The following PLEKHG7 variants were observed in gnomAD, a reference collection of about 807,000 sequenced individuals.
PLEKHG7 encodes the protein pleckstrin homology domain-containing family G member 7.
Under a neutral mutation model 85.2 loss-of-function variants are expected in PLEKHG7, and 77 were observed. The ratio of observed to expected loss-of-function variants is 0.90; its 90% confidence interval spans 0.75 to 1.09. The LOEUF (loss-of-function observed/expected upper bound fraction) is 1.09. Among genes scored for constraint, PLEKHG7 ranks in the 50% least tolerant of loss-of-function variants. PLEKHG7 has a pLI of 0.00. For synonymous variants in PLEKHG7, 301 were observed against 302.4 expected (o/e 1.00, Z 0.05); for missense variants, 777 against 804.3 (o/e 0.97, Z 0.41).
At chr12:92,738,631 A>G (rs1437657338) in intron 7 of PLEKHG7, among the ~76,000 whole-genome samples, 1 of 152,252 alleles carries the variant, frequency 6.6e-6, no homozygotes, top group African/African-American at 2.4e-5. Flanking sequence ...CCCAGAAAAC[A>G]TCATTTACAA....
At position 92,706,763 on chromosome 12, in the gene PLEKHG7, C is replaced by T; in HGVS notation, c.132C>T (p.Arg44=). ...LLQFDRQAPG[R]ISTSPTLRRL... is the part of the protein sequence containing the mutation. ...AGTTTGACCGGCAAGCCCCAGGCCG[C>T]ATCTCCACCTCGCCCACTTTGAGGA... Residue 44 remains arginine, a synonymous_variant, in exon 2 of 17, where the codon CGC becomes CGT. Transcript: ENST00000344636. 6.2e-7 allele frequency: 1 copy of T among 1,614,078 alleles called. No homozygotes were observed. Among genetic ancestry groups the T allele is most frequent in the Non-Finnish European group, 8.5e-7 (1 of 1,180,028 alleles).
At chr12:92,704,604 T>A in intron 1 of PLEKHG7, among the ~76,000 whole-genome samples, 1 of 152,192 alleles carries the variant, frequency 6.6e-6, no homozygotes, top group Non-Finnish European at 1.5e-5. Flanking sequence ...AGTCCTCAGC[T>A]CAAAATAAAG....
At chr12:92,758,977 T>C (rs1872911968) in intron 13 of PLEKHG7, among the ~76,000 whole-genome samples, 1 of 152,220 alleles carries the variant, frequency 6.6e-6, no homozygotes, top group Admixed American at 6.5e-5. Flanking sequence ...TTGTAGGCTT[T>C]GGGAAAATTT....
chr12:92,727,111 T>C (rs1430666795), intron 3 of PLEKHG7, among the ~76,000 whole-genome samples: 1 of 152,118 alleles, frequency 6.6e-6, no homozygotes, highest in Non-Finnish European at 1.5e-5. Flanking sequence ...TGAGTAGATG[T>C]ATGGGGAGTT....
intron 9 of PLEKHG7, among the ~76,000 whole-genome samples, chr12:92,743,254 C>T (rs1872420552): frequency 6.6e-6 from 1 of 152,118 alleles, no homozygotes; most frequent in Non-Finnish European, 1.5e-5. Flanking sequence ...TGAGTTTCTG[C>T]CCGAAACAAC....
At chr12:92,711,626 A>G (rs544931394) in intron 3 of PLEKHG7, among the ~76,000 whole-genome samples, 1 of 152,254 alleles carries the variant, frequency 6.6e-6, no homozygotes, top group East Asian at 1.9e-4. Flanking sequence ...TGTCTCTCAA[A>G]AGGAGAGTAG....
At chr12:92,758,455 G>C (rs1872896335) in intron 13 of PLEKHG7, among the ~76,000 whole-genome samples, 1 of 152,226 alleles carries the variant, frequency 6.6e-6, no homozygotes, top group African/African-American at 2.4e-5. Context: ...CAATTTTAGG[G>C]TTCAGGTTTG....
chr12:92,752,971 C>T (rs1409536407), intron 10 of PLEKHG7, among the ~76,000 whole-genome samples: 1 of 152,094 alleles, frequency 6.6e-6, no homozygotes, highest in East Asian at 1.9e-4. Context: ...GACACTAATC[C>T]CATTCAAGAG....
intron 15 of PLEKHG7, among the ~76,000 whole-genome samples, chr12:92,765,062 C>T (rs1438777506): frequency 2.6e-5 from 4 of 152,104 alleles, no homozygotes; most frequent in Non-Finnish European, 4.4e-5. Context: ...ATCCCAGCAG[C>T]CAAGCCCAGA....
chr12:92,708,243 T>C (rs148822729), intron 3 of PLEKHG7: 2,414 of 152,482 alleles, frequency 0.016, 30 homozygotes, highest in South Asian at 0.041. Context: ...GAAAGATCCA[T>C]GCCCAATTTT....
rs188491396 is a variant in PLEKHG7, at chr12:92,740,018, A to G, written c.940-835A>G. Reference sequence around the variant, plus strand: ...GGGGCCCAGCAAGCTCTGGTGTAACAAAGTTGCCAGGTGATTCCGATGCAA... The same window carrying G: ...GGGGCCCAGCAAGCTCTGGTGTAACGAAGTTGCCAGGTGATTCCGATGCAA... On this transcript the variant is annotated intron_variant, in intron 7 of 16. Transcript: ENST00000344636. Among the ~76,000 whole-genome samples, 962 of 152,306 alleles carry G rather than the reference A, an allele frequency of 6.3e-3. 12 individuals are homozygous for G. Among genetic ancestry groups the G allele is most frequent in the African/African-American group, 0.021 (893 of 41,546 alleles).
At chr12:92,753,707 C>T (rs904858274) in intron 10 of PLEKHG7, among the ~76,000 whole-genome samples, 18 of 152,208 alleles carry the variant, frequency 1.2e-4, no homozygotes, top group African/African-American at 4.3e-4. Flanking sequence ...AAGCAAGAAT[C>T]CTTCCTTTTC....
intron 3 of PLEKHG7, among the ~76,000 whole-genome samples, chr12:92,711,700 A>G (rs1219964363): frequency 7.2e-5 from 11 of 152,178 alleles, no homozygotes; most frequent in South Asian, 2.1e-4. Flanking sequence ...TGATTCACCT[A>G]TAGGGGACTG....
intron 3 of PLEKHG7, among the ~76,000 whole-genome samples, chr12:92,713,989 T>C (rs538940346): frequency 6.6e-6 from 1 of 152,222 alleles, no homozygotes; most frequent in Non-Finnish European, 1.5e-5. Context: ...TCAATTCCCA[T>C]GCCTGTTCTC....
At chr12:92,768,411 CT>C (rs1174701181) in intron 15 of PLEKHG7, among the ~76,000 whole-genome samples, 1 of 152,116 alleles carries the variant, frequency 6.6e-6, no homozygotes, top group East Asian at 1.9e-4. Context: ...GCCAATGTCT[CT>C]TTTTGTTTTG....
intron 3 of PLEKHG7, among the ~76,000 whole-genome samples, chr12:92,712,011 A>G (rs1449229640): frequency 6.6e-6 from 1 of 152,234 alleles, no homozygotes; most frequent in African/African-American, 2.4e-5. Flanking sequence ...TCACTTTAGA[A>G]GGAATATCTT....
chr12:92,721,806 C>A (rs779171264), intron 3 of PLEKHG7, among the ~76,000 whole-genome samples: 7 of 150,068 alleles, frequency 4.7e-5, no homozygotes, highest in African/African-American at 1.2e-4. Flanking sequence ...TGTACTTACA[C>A]GGTGACAATG....
chr12:92,704,688 G>T (rs1428516676), intron 1 of PLEKHG7, among the ~76,000 whole-genome samples: 2 of 152,184 alleles, frequency 1.3e-5, no homozygotes, highest in Non-Finnish European at 2.9e-5. Context: ...CATCTAAGTT[G>T]TTCCTCAAAC....
intron 1 of PLEKHG7, 131 bp downstream of exon 1, chr12:92,703,263 A>C (rs1311995287): frequency 1.3e-5 from 2 of 152,168 alleles, no homozygotes; most frequent in African/African-American, 4.8e-5. Flanking sequence ...ATTAACCTGC[A>C]ATGGTTTCAT....
Sources: gnomAD v4.1 joint callset for allele counts (sites outside exome capture counted in the v4.1 genomes callset) on GRCh38, gnomAD v4.1.1 for gene constraint, MANE v1.5 for transcripts, NCBI Gene and HGNC (gene_info 2026-07-23, HGNC 2026-07-21) for gene names.